The following CRISPLD1 variants were observed in gnomAD, a reference collection of about 807,000 sequenced individuals.
CRISPLD1 encodes the protein cysteine-rich secretory protein LCCL domain-containing 1.
CRISPLD1 carries 60 observed loss-of-function variants against 77.5 expected under a neutral mutation model. The ratio of observed to expected loss-of-function variants is 0.77; its 90% CI spans 0.63 to 0.96. CRISPLD1 has a LOEUF of 0.96. Ranked by LOEUF, CRISPLD1 falls within the 40% of genes least tolerant of loss-of-function variation. The pLI, the probability that CRISPLD1 is intolerant of heterozygous loss-of-function variation, is 0.00. For missense variants in CRISPLD1, 623 were observed against 615.8 expected, an observed-to-expected ratio of 1.01 and a Z score of -0.12; for synonymous variants, 195 against 200.1, an observed-to-expected ratio of 0.97 and a Z score of 0.22.
chr8:75,026,885 G>A (rs892904043), intron 13 of CRISPLD1: 2 of 152,004 alleles, frequency 1.3e-5, no homozygotes, highest in African/African-American at 4.8e-5. Context: ...GAAAAGTCCT[G>A]CTGGTATCTT....
intron 2 of CRISPLD1, among the ~76,000 whole-genome samples, chr8:75,011,087 A>G (rs932895430): frequency 3.4e-5 from 5 of 148,678 alleles, no homozygotes; most frequent in African/African-American, 1.0e-4. Context: ...GCCATTTATC[A>G]AGTTCTAGGA....
Position 74,985,976 on chromosome 8 carries a change from A to G in CRISPLD1, c.-12A>G. The G allele has an allele frequency of 1.2e-6, 2 of 1,603,790 alleles. No homozygotes were observed. The highest frequency in any genetic ancestry group is 1.7e-6 in the Non-Finnish European group (2 of 1,172,062). On this transcript the variant is annotated 5_prime_UTR_variant, in exon 2 of 15. Coordinates refer to ENST00000262207, the MANE Select transcript of CRISPLD1 (RefSeq NM_031461.6). ...TGGAGATTTTCCTGGGGAAATCCTG[A>G]GGTCATTCATTATGAAGTGTACCGC... is the stretch of plus-strand genomic sequence containing the variant.
chr8:75,020,174 G>C, intron 12 of CRISPLD1, 95 bp downstream of exon 12: 8 of 979,520 alleles, frequency 8.2e-6, no homozygotes, highest in Non-Finnish European at 1.1e-5. Flanking sequence ...GTATAATCTT[G>C]AACTTCTAAG....
At chr8:75,011,339 T>C (rs1812927828) in intron 2 of CRISPLD1, among the ~76,000 whole-genome samples, 2 of 140,708 alleles carry the variant, frequency 1.4e-5, no homozygotes, top group Non-Finnish European at 3.0e-5. Context: ...TGTGTTCTCA[T>C]TGTTCAATTC....
chr8:75,000,898 T>G (rs1315268685), intron 2 of CRISPLD1, among the ~76,000 whole-genome samples: 2 of 152,088 alleles, frequency 1.3e-5, no homozygotes, highest in African/African-American at 4.8e-5. Context: ...AACAACAATT[T>G]AAAGTGGACA....
At position 75,012,902 on chromosome 8, in the gene CRISPLD1, G is replaced by C. The variant is rs369100451; in HGVS notation, c.390G>C (p.Pro130=). ...LGAHWGRYRP[P]TFHVQSWYDE... is the part of the protein sequence containing the mutation. The stretch of plus-strand genomic sequence containing the variant: ...TTCTTTCTAATAGATATAGGCCCCC[G>C]ACGTTTCATGTACAATCGTGGTATG... The change falls in exon 4 of 15, where the codon CCG becomes CCC. Residue 130 remains proline (P), a synonymous_variant. Transcript: ENST00000262207. The C allele has an allele frequency of 2.5e-6, 4 of 1,611,136 alleles. No homozygotes were observed. The African/African-American group carries it at 5.3e-5, about 22-fold the overall frequency.
chr8:75,012,580 G>T, intron 3 of CRISPLD1, 29 bp downstream of exon 3: 1 of 1,404,378 alleles, frequency 7.1e-7, no homozygotes, highest in South Asian at 1.2e-5. Flanking sequence ...TTTTCTTTAT[G>T]AAAAAATAAG....
At chr8:74,990,801 C>A (rs1272733977) in intron 2 of CRISPLD1, among the ~76,000 whole-genome samples, 1 of 151,268 alleles carries the variant, frequency 6.6e-6, no homozygotes, top group Non-Finnish European at 1.5e-5. Flanking sequence ...GAAAATTGGG[C>A]ACATCGTTAA....
intron 14 of CRISPLD1, among the ~76,000 whole-genome samples, chr8:75,031,704 T>G (rs1172115695): frequency 6.6e-6 from 1 of 152,040 alleles, no homozygotes; most frequent in African/African-American, 2.4e-5. Flanking sequence ...TTAATCTGTA[T>G]GATAGCAATG....
chr8:74,998,432 G>A (rs1029278527), intron 2 of CRISPLD1, among the ~76,000 whole-genome samples: 2 of 151,956 alleles, frequency 1.3e-5, no homozygotes, highest in East Asian at 1.9e-4. Context: ...TACCACGGCC[G>A]GTAATATCAG....
Position 75,025,549 on chromosome 8 carries a change from A to T in CRISPLD1, c.1248A>T (p.Val416=), listed in dbSNP as rs1413484852. 4.6e-6 allele frequency: 7 copies of T among 1,512,476 alleles called. No individual in the cohort carries two copies. Among genetic ancestry groups the T allele is most frequent in the Non-Finnish European group, 4.6e-6 (5 of 1,096,616 alleles). The allele number at this position is 1,512,476 out of a possible 1,614,324, so 93.7% of individuals were successfully genotyped here. ...TATAATATATTATTTTTTTCAGAGTATACTGTCCTCGTAACTGTATGCAAG... is the reference window on the plus strand; with the variant it reads ...TATAATATATTATTTTTTTCAGAGTTTACTGTCCTCGTAACTGTATGCAAG... The part of the protein sequence containing the change: ...FHKPASHCPR[V]YCPRNCMQAN... The change falls in exon 13 of 15, where the codon GTA becomes GTT. Residue 416 remains valine, a synonymous_variant. Transcript: ENST00000262207.
chr8:75,000,220 T>G, intron 2 of CRISPLD1: 2 of 985,226 alleles, frequency 2.0e-6, no homozygotes, highest in Non-Finnish European at 2.4e-6. Context: ...TTATGCTTGG[T>G]CAAGACGTGT....
intron 2 of CRISPLD1, among the ~76,000 whole-genome samples, chr8:75,003,116 A>G (rs1188122213): frequency 2.6e-5 from 4 of 152,224 alleles, no homozygotes; most frequent in African/African-American, 9.7e-5. Context: ...ACAGCAATTT[A>G]TCATTCTTGA....
At position 74,998,679 on chromosome 8, in the gene CRISPLD1, C is replaced by G. The variant is rs191008802; in HGVS notation, c.258+12434C>G. Among the ~76,000 whole-genome samples the G allele has an allele frequency of 1.4e-3, 139 of 99,014 alleles. 2 individuals carry two copies. Among genetic ancestry groups the G allele is most frequent in the Admixed American group, 7.0e-3 (72 of 10,264 alleles). The allele number at this position is 99,014 out of a possible 152,430, so 65.0% of individuals were successfully genotyped here. A position where few individuals can be genotyped will look rare whatever the true frequency, so the allele number is the denominator to read the frequency against. On this transcript the variant is annotated intron_variant, in intron 2 of 14. Coordinates refer to ENST00000262207, the MANE Select transcript of CRISPLD1 (RefSeq NM_031461.6). ...CTCCTGCCTGGGCAACAGAGAGACTCCATCTCAAAAAAAAAAAAAAAAAAA... is the reference window on the plus strand; with the variant it reads ...CTCCTGCCTGGGCAACAGAGAGACTGCATCTCAAAAAAAAAAAAAAAAAAA...
At position 75,032,174 on chromosome 8, in the gene CRISPLD1, A is replaced by ATT. The variant is rs10714892; in HGVS notation, c.1452-6_1452-5dup. On this transcript the variant is annotated splice_polypyrimidine_tract_variant and intron_variant, in intron 14 of 14. Coordinates refer to ENST00000262207, the MANE Select transcript of CRISPLD1 (RefSeq NM_031461.6). The stretch of plus-strand genomic sequence containing the variant: ...GATGACATCAATATACTTTTCATAT[A>ATT]TTTTTTTTTTTTGCAGTTTACAGAA... 194 of 1,305,102 alleles carry ATT rather than the reference A, an allele frequency of 1.5e-4. No individual in the cohort carries two copies. The highest frequency in any genetic ancestry group is 3.2e-4 in the South Asian group (23 of 71,900). 80.8% of individuals were successfully genotyped at this position (1,305,102 alleles called of 1,614,324 possible).
At chr8:75,004,035 G>A (rs1259242763) in intron 2 of CRISPLD1, among the ~76,000 whole-genome samples, 1 of 152,152 alleles carries the variant, frequency 6.6e-6, no homozygotes, top group African/African-American at 2.4e-5. Flanking sequence ...ATGTAGAGGA[G>A]TTTCCTAAAC....
At chr8:75,007,554 A>G (rs1812854138) in intron 2 of CRISPLD1, among the ~76,000 whole-genome samples, 1 of 151,346 alleles carries the variant, frequency 6.6e-6, no homozygotes, top group South Asian at 2.1e-4. Context: ...TAGGTTTACC[A>G]GTTTTCAGTT....
chr8:75,004,536 G>A (rs1300674797), intron 2 of CRISPLD1, among the ~76,000 whole-genome samples: 1 of 152,106 alleles, frequency 6.6e-6, no homozygotes, highest in Non-Finnish European at 1.5e-5. Context: ...TATTTTCATA[G>A]ACTAACAAAC....
intron 2 of CRISPLD1, among the ~76,000 whole-genome samples, chr8:74,998,596 G>A (rs1365949625): frequency 7.0e-6 from 1 of 142,330 alleles, no homozygotes; most frequent in African/African-American, 2.7e-5. Flanking sequence ...GCTGAGGCAG[G>A]AGAATTGCTT....
Sources: gnomAD v4.1 joint callset for allele counts (sites outside exome capture counted in the v4.1 genomes callset) on GRCh38, gnomAD v4.1.1 for gene constraint, MANE v1.5 for transcripts, NCBI Gene and HGNC (gene_info 2026-07-23, HGNC 2026-07-21) for gene names.